PDXDC1: variants seen among roughly 807,000 people sequenced by gnomAD.
The protein encoded by PDXDC1 is pyridoxal dependent decarboxylase domain containing 1.
Under a neutral mutation model 100.1 loss-of-function variants are expected in PDXDC1, and 42 were observed. The observed-to-expected ratio is 0.42, with a 90% CI of 0.33 to 0.54. The LOEUF is 0.54. Among genes scored for constraint, PDXDC1 ranks in the 20% least tolerant of loss-of-function variants. The probability of loss-of-function intolerance (pLI) is 0.10; values close to 1 mark genes in which losing one functional copy is unlikely to be tolerated. For synonymous variants in PDXDC1, 260 were observed against 371.7 expected (o/e 0.70, Z 3.46); for missense variants, 636 against 979.2 (o/e 0.65, Z 4.68).
Position 15,117,387 on chromosome 16 carries a change from G to A in PDXDC1, c.1400-21492G>A, listed in dbSNP as rs1461900107. On this transcript the variant is annotated intron_variant, in intron 16 of 16. Coordinates refer to the PDXDC1 transcript ENST00000535621. Reference sequence around the variant, plus strand: ...TTAAGGTTATATATTTTGGCCAGGCGCGGTGGCTCACGCCTGTAATCCCAG... The same window carrying A: ...TTAAGGTTATATATTTTGGCCAGGCACGGTGGCTCACGCCTGTAATCCCAG... 7.0e-5 allele frequency among the ~76,000 whole-genome samples: 10 copies of A among 143,130 alleles called. No homozygotes were observed. In the South Asian group the frequency reaches 1.2e-3, roughly 17 times the overall value. The allele number at this position is 143,130 out of a possible 152,430, so 93.9% of individuals were successfully genotyped here. A position where few individuals can be genotyped will look rare whatever the true frequency, so the allele number is the denominator to read the frequency against.
chr16:14,985,683 C>T (rs1296963421), intron 1 of PDXDC1, among the ~76,000 whole-genome samples: 1 of 152,294 alleles, frequency 6.6e-6, no homozygotes, highest in Non-Finnish European at 1.5e-5. Flanking sequence ...TTGACTTTTC[C>T]TCCAACATTT....
At chr16:15,150,043 T>C in the PDXDC1 span, among the ~76,000 whole-genome samples, 2 of 152,050 alleles carry the variant, frequency 1.3e-5, no homozygotes, top group Admixed American at 1.3e-4. Context: ...GGGAAGCTCC[T>C]AGACATCATC....
At chr16:15,003,830 A>G (rs1378219938) in intron 4 of PDXDC1, among the ~76,000 whole-genome samples, 3 of 152,202 alleles carry the variant, frequency 2.0e-5, no homozygotes, top group African/African-American at 7.2e-5. Context: ...TAAAAATACA[A>G]AAAATTAGCC....
intron 16 of PDXDC1, among the ~76,000 whole-genome samples, chr16:15,095,177 C>G (rs149743575): frequency 6.6e-6 from 1 of 151,938 alleles, no homozygotes; most frequent in Non-Finnish European, 1.5e-5. Context: ...GTCAGCCAGA[C>G]CAACAAAAGA....
intron 16 of PDXDC1, chr16:15,092,701 G>A: frequency 2.2e-6 from 2 of 911,882 alleles, no homozygotes; most frequent in South Asian, 2.9e-5. Flanking sequence ...ACATAATTCA[G>A]TGGAACTATT....
At chr16:15,059,780 G>C (rs2151749158) in intron 16 of PDXDC1, among the ~76,000 whole-genome samples, 1 of 152,252 alleles carries the variant, frequency 6.6e-6, no homozygotes, top group South Asian at 2.1e-4. Context: ...TTTGAAAGAA[G>C]TGTCTGCTTC....
intron 16 of PDXDC1, chr16:15,136,183 C>T (rs2048340145): frequency 1.2e-6 from 1 of 823,830 alleles, no homozygotes; most frequent in Admixed American, 2.2e-5. Flanking sequence ...TCCATCCTCC[C>T]ACCCTCACAG....
At chr16:15,086,560 A>G in intron 16 of PDXDC1, 1 of 1,512,244 alleles carries the variant, frequency 6.6e-7, no homozygotes, top group Non-Finnish European at 8.9e-7. Flanking sequence ...TGGGGGGAAA[A>G]GGTCACAAAC....
At chr16:15,011,631 C>CTTTTTTTTTTTTTTTTTTGTTT (rs2041273980) in intron 8 of PDXDC1, among the ~76,000 whole-genome samples, 1 of 131,276 alleles carries the variant, frequency 7.6e-6, no homozygotes, top group African/African-American at 2.8e-5. Context: ...ACATTTTTTT[C>CTTTTTTTTTTTTTTTTTTGTTT]TTTTTTTTTT....
At chr16:15,031,669 G>A in intron 16 of PDXDC1, 66 bp from the exon 17 acceptor site, 1 of 1,420,138 alleles carries the variant, frequency 7.0e-7, no homozygotes, top group Admixed American at 1.7e-5. Context: ...TAGTGGAAGA[G>A]GGAGCCCTGC....
At chr16:15,090,784 A>G (rs1206770866) in intron 16 of PDXDC1, among the ~76,000 whole-genome samples, 1 of 152,192 alleles carries the variant, frequency 6.6e-6, no homozygotes, top group Non-Finnish European at 1.5e-5. Context: ...AAAACTGGGC[A>G]GTAAAGGAAG....
At chr16:15,126,646 C>G (rs1258632221) in intron 16 of PDXDC1, 2 of 140,812 alleles carry the variant, frequency 1.4e-5, no homozygotes, top group East Asian at 4.0e-4. Flanking sequence ...CTGAGCTTTT[C>G]TTTGTGGGAT....
chr16:15,135,747 C>T (rs1309286156), intron 16 of PDXDC1: 2 of 1,596,958 alleles, frequency 1.3e-6, no homozygotes, highest in Non-Finnish European at 1.7e-6. Context: ...AGCACCAGGT[C>T]CTGTGTGTCT....
intron 16 of PDXDC1, chr16:15,132,937 A>G (rs989870118): frequency 2.5e-6 from 4 of 1,578,532 alleles, no homozygotes; most frequent in African/African-American, 2.7e-5. Context: ...AGGCCAGCAG[A>G]TGCCCACGAC....
Position 15,032,854 on chromosome 16 carries a change from GT to G in PDXDC1, c.1572-3del. 2 of 1,467,466 alleles carry G rather than the reference GT, an allele frequency of 1.4e-6. No individual in the cohort carries two copies. Among genetic ancestry groups the G allele is most frequent in the Non-Finnish European group, 1.9e-6 (2 of 1,046,244 alleles). The allele number at this position is 1,467,466 out of a possible 1,614,324, so 90.9% of individuals were successfully genotyped here. A position where few individuals can be genotyped will look rare whatever the true frequency, so the allele number is the denominator to read the frequency against. On this transcript the variant is annotated splice_polypyrimidine_tract_variant and splice_region_variant and intron_variant, in intron 17 of 22. Transcript: ENST00000396410. The stretch of plus-strand genomic sequence containing the variant: ...AGCTGAAATGCTGTGGTTTGATGTT[GT>G]TTTAGGTATGAACATGCTAATGATG...
At chr16:15,125,778 G>A (rs780063844) in intron 16 of PDXDC1, 36 of 1,482,998 alleles carry the variant, frequency 2.4e-5, no homozygotes, top group Non-Finnish European at 2.6e-5. Flanking sequence ...CCTGCTGCCC[G>A]GCAGGTGTGG....
downstream of PDXDC1, chr16:15,040,169 G>T: frequency 1.5e-6 from 1 of 651,568 alleles, no homozygotes; most frequent in Non-Finnish European, 2.7e-6. Context: ...AGATAGGAAA[G>T]TGAACAGAAT....
At chr16:15,077,598 T>A (rs530758596) in intron 16 of PDXDC1, among the ~76,000 whole-genome samples, 1 of 152,270 alleles carries the variant, frequency 6.6e-6, no homozygotes, top group East Asian at 1.9e-4. Context: ...TCCGAGCTCT[T>A]TGGGAGGCCG....
At chr16:15,019,853 C>T (rs1275319947) in intron 12 of PDXDC1, among the ~76,000 whole-genome samples, 1 of 152,286 alleles carries the variant, frequency 6.6e-6, no homozygotes, top group Non-Finnish European at 1.5e-5. Flanking sequence ...TGGCTCACGC[C>T]TGTAATTCCA....
Sources: gnomAD v4.1 joint callset for allele counts (sites outside exome capture counted in the v4.1 genomes callset) on GRCh38, gnomAD v4.1.1 for gene constraint, MANE v1.5 for transcripts, NCBI Gene and HGNC (gene_info 2026-07-23, HGNC 2026-07-21) for gene names.